DPP10: variants seen among roughly 807,000 people sequenced by gnomAD.
DPP10 encodes dipeptidyl peptidase like 10.
Under a neutral mutation model 120.9 loss-of-function variants are expected in DPP10, and 33 were observed. The observed-to-expected ratio is 0.27, with a 90% CI of 0.21 to 0.37. The LOEUF (loss-of-function observed/expected upper bound fraction) is 0.37. DPP10 is among the 10% of genes least tolerant of loss of function. The pLI is 1.00. For synonymous variants in DPP10, 337 were observed against 326.1 expected, an observed-to-expected ratio of 1.03 and a Z score of -0.36; for missense variants, 816 against 942.8, an observed-to-expected ratio of 0.87 and a Z score of 1.76.
intron 3 of DPP10, among the ~76,000 whole-genome samples, chr2:115,409,661 A>G (rs2068792471): frequency 6.6e-6 from 1 of 152,200 alleles, no homozygotes; most frequent in Admixed American, 6.5e-5. Context: ...CCACTATTGC[A>G]TATCTATCAA....
At chr2:114,980,192 T>C (rs984581807) in intron 1 of DPP10, among the ~76,000 whole-genome samples, 17 of 152,164 alleles carry the variant, frequency 1.1e-4, no homozygotes, top group African/African-American at 4.1e-4. Flanking sequence ...GAAATGTCTA[T>C]TATTTTTCTT....
chr2:115,695,872 A>G (rs2091556570), intron 7 of DPP10, among the ~76,000 whole-genome samples: 1 of 152,212 alleles, frequency 6.6e-6, no homozygotes, highest in Non-Finnish European at 1.5e-5. Flanking sequence ...AACATGATGT[A>G]TGAACAAAAT....
rs141693441 is a variant in DPP10 at position 115,013,255 on chromosome 2, G to T, written c.61-295984G>T. On this transcript the variant is annotated intron_variant, in intron 1 of 25. Coordinates refer to ENST00000410059, the MANE Select transcript of DPP10 (RefSeq NM_020868.6). ...ATTTTATTTTTCCTTTGCTTATGAA[G>T]CTTAGTTTGGCTAGATATGAAATTC... Among the ~76,000 whole-genome samples the T allele has an allele frequency of 2.1e-3, 317 of 152,242 alleles. 1 individual carries two copies. The highest frequency in any genetic ancestry group is 7.0e-3 in the African/African-American group (291 of 41,542).
intron 1 of DPP10, among the ~76,000 whole-genome samples, chr2:114,669,603 C>A (rs1168756327): frequency 6.6e-6 from 1 of 152,056 alleles, no homozygotes; most frequent in Non-Finnish European, 1.5e-5. Context: ...TTATAAAATA[C>A]TTTCTTTTTG....
intron 1 of DPP10, chr2:115,064,757 A>G (rs1269515347): frequency 7.7e-7 from 1 of 1,304,104 alleles, no homozygotes; most frequent in Non-Finnish European, 1.0e-6. Flanking sequence ...TCCACTTAGC[A>G]ATGGTCATCA....
intron 1 of DPP10, among the ~76,000 whole-genome samples, chr2:114,510,415 C>T (rs1278555834): frequency 1.3e-5 from 2 of 152,146 alleles, no homozygotes; most frequent in Middle Eastern, 3.4e-3. Context: ...CCCAGCCTGA[C>T]CAACATGGCG....
At chr2:115,502,038 A>G (rs1279916045) in intron 4 of DPP10, among the ~76,000 whole-genome samples, 1 of 152,118 alleles carries the variant, frequency 6.6e-6, no homozygotes, top group Non-Finnish European at 1.5e-5. Context: ...AAATGTCATA[A>G]CAGAATGGCC....
chr2:115,368,612 A>G lies in DPP10; in HGVS notation c.271+24700A>G, dbSNP rs542870832. On this transcript the variant is annotated intron_variant, in intron 3 of 25. Transcript: ENST00000410059. ...TTCAAATTGAAAAATGAGAGGAACT[A>G]TTAGTTTGTAGAAATGTACTTATTA... 6.0e-4 allele frequency among the ~76,000 whole-genome samples: 92 copies of G among 152,090 alleles called. 1 individual carries two copies. In the South Asian group the frequency reaches 9.3e-3, roughly 15 times the overall value.
chr2:115,110,786 A>T (rs1225145844), intron 1 of DPP10, among the ~76,000 whole-genome samples: 1 of 151,772 alleles, frequency 6.6e-6, no homozygotes, highest in Non-Finnish European at 1.5e-5. Context: ...TTTTCCCCTG[A>T]TTTACTAGCT....
chr2:115,050,897 T>C (rs1705427052), intron 1 of DPP10, among the ~76,000 whole-genome samples: 1 of 152,048 alleles, frequency 6.6e-6, no homozygotes, highest in Non-Finnish European at 1.5e-5. Context: ...ACTACTAACC[T>C]CACAGAAAAG....
chr2:115,805,864 C>A (rs758120424), intron 19 of DPP10, among the ~76,000 whole-genome samples: 5 of 152,066 alleles, frequency 3.3e-5, no homozygotes, highest in Admixed American at 6.5e-5. Context: ...TGTGAGCCGC[C>A]GCGCCCGGCA....
intron 3 of DPP10, among the ~76,000 whole-genome samples, chr2:115,398,643 C>T (rs1203172846): frequency 6.6e-6 from 1 of 151,878 alleles, no homozygotes; most frequent in Non-Finnish European, 1.5e-5. Context: ...TGTCCTAGAA[C>T]ATATTATCTA....
chr2:114,935,017 T>C (rs1024390003), intron 1 of DPP10, among the ~76,000 whole-genome samples: 2 of 152,192 alleles, frequency 1.3e-5, no homozygotes, highest in African/African-American at 4.8e-5. Flanking sequence ...CCAATCACTG[T>C]GCAGGTTTTA....
intron 21 of DPP10, among the ~76,000 whole-genome samples, chr2:115,825,263 A>G (rs907322476): frequency 6.6e-6 from 1 of 152,098 alleles, no homozygotes; most frequent in Non-Finnish European, 1.5e-5. Flanking sequence ...AAGCCTACAT[A>G]TTGCTTTAGA....
intron 1 of DPP10, among the ~76,000 whole-genome samples, chr2:114,986,582 A>G (rs905600830): frequency 2.0e-5 from 3 of 152,210 alleles, no homozygotes; most frequent in Non-Finnish European, 4.4e-5. Context: ...CTGAAGGTCC[A>G]TTTATTTAAT....
intron 1 of DPP10, among the ~76,000 whole-genome samples, chr2:115,082,695 G>T (rs1323207721): frequency 2.6e-5 from 4 of 152,122 alleles, no homozygotes; most frequent in Admixed American, 2.6e-4. Flanking sequence ...ATGGAAAGGT[G>T]CCCTACTCAT....
chr2:115,495,996 CTTAAAG>C (rs933039862), intron 3 of DPP10, among the ~76,000 whole-genome samples: 1 of 150,750 alleles, frequency 6.6e-6, no homozygotes, highest in Non-Finnish European at 1.5e-5. Context: ...TATTTGATTA[CTTAAAG>C]TTAAACAAAA....
At chr2:115,558,631 C>G (rs919656486) in intron 5 of DPP10, among the ~76,000 whole-genome samples, 2 of 152,002 alleles carry the variant, frequency 1.3e-5, no homozygotes, top group Non-Finnish European at 2.9e-5. Flanking sequence ...AAACTGTACT[C>G]ATTATAGTAT....
intron 1 of DPP10, among the ~76,000 whole-genome samples, chr2:114,457,461 A>T (rs151213176): frequency 3.3e-4 from 51 of 152,318 alleles, no homozygotes; most frequent in African/African-American, 1.2e-3. Flanking sequence ...CTCCGGGACT[A>T]GGAGTAGGTC....
Sources: gnomAD v4.1 joint callset for allele counts (sites outside exome capture counted in the v4.1 genomes callset) on GRCh38, gnomAD v4.1.1 for gene constraint, MANE v1.5 for transcripts, NCBI Gene and HGNC (gene_info 2026-07-23, HGNC 2026-07-21) for gene names.